TOMM7: variants seen among roughly 807,000 people sequenced by gnomAD.
TOMM7 encodes mitochondrial import receptor subunit TOM7 homolog.
A neutral mutation model predicts 9.5 loss-of-function variants in TOMM7; 8 were observed. The observed-to-expected ratio is 0.84, with a 90% CI of 0.49 to 1.51. The LOEUF is 1.51. TOMM7 is among the 40% of genes most tolerant of loss of function. The pLI, the probability that TOMM7 is intolerant of heterozygous loss-of-function variation, is 0.00. For synonymous variants in TOMM7, 27 were observed against 21.4 expected (o/e 1.26, Z -0.72); for missense variants, 74 against 63.7 (o/e 1.16, Z -0.55).
chr7:22,817,972 C>A, intron 2 of TOMM7, 28 bp downstream of exon 2: 2 of 1,607,464 alleles, frequency 1.2e-6, no homozygotes, highest in Non-Finnish European at 1.7e-6. Flanking sequence ...AACATTTGTC[C>A]TGAAATGTTT....
chr7:22,814,725 A>G (rs1782294875), intron 2 of TOMM7, among the ~76,000 whole-genome samples: 1 of 152,218 alleles, frequency 6.6e-6, no homozygotes, highest in Non-Finnish European at 1.5e-5. Context: ...TTTGCTGACC[A>G]CATACAATGA....
chr7:22,819,676 G>A (rs1388517082), intron 1 of TOMM7, among the ~76,000 whole-genome samples: 2 of 152,184 alleles, frequency 1.3e-5, no homozygotes, highest in Non-Finnish European at 2.9e-5. Context: ...GGAGTGTAGG[G>A]AACAAGAGTC....
At chr7:22,818,124 T>G in intron 1 of TOMM7, 76 bp from the exon 2 acceptor site, 1 of 1,423,788 alleles carries the variant, frequency 7.0e-7, no homozygotes, top group Non-Finnish European at 9.9e-7. Flanking sequence ...TCAAGACTTT[T>G]TCTTCTTTGT....
intron 1 of TOMM7, 85 bp downstream of exon 1, chr7:22,822,592 T>C (rs1583465199): frequency 6.6e-6 from 8 of 1,218,466 alleles, no homozygotes. Flanking sequence ...TATTTTTCTC[T>C]CCCTCCCCCG....
intron 1 of TOMM7, chr7:22,822,351 T>C: frequency 7.1e-7 from 1 of 1,413,716 alleles, no homozygotes; most frequent in Non-Finnish European, 9.5e-7. Flanking sequence ...GAGAACCACC[T>C]AGTGCTAGAG....
At chr7:22,814,844 A>C (rs927933685) in intron 2 of TOMM7, among the ~76,000 whole-genome samples, 1 of 152,250 alleles carries the variant, frequency 6.6e-6, no homozygotes, top group Non-Finnish European at 1.5e-5. Context: ...TATTATTTAC[A>C]TAAGTATTAT....
At chr7:22,822,484 C>A in intron 1 of TOMM7, 193 bp downstream of exon 1, 1 of 701,592 alleles carries the variant, frequency 1.4e-6, no homozygotes, top group Non-Finnish European at 2.4e-6. Flanking sequence ...TGCTTAAAGA[C>A]CATGCAACTA....
chr7:22,814,516 A>G (rs1782292317), intron 2 of TOMM7, among the ~76,000 whole-genome samples: 1 of 152,118 alleles, frequency 6.6e-6, no homozygotes, highest in Admixed American at 6.5e-5. Flanking sequence ...AAAACACACA[A>G]AAAAAGATCT....
chr7:22,817,969 GT>G, intron 2 of TOMM7, 30 bp downstream of exon 2: 1 of 1,602,258 alleles, frequency 6.2e-7, no homozygotes, highest in Middle Eastern at 1.7e-4. Context: ...ATGAACATTT[GT>G]CCTGAAATGT....
At chr7:22,821,682 A>C (rs1782393525) in intron 1 of TOMM7, among the ~76,000 whole-genome samples, 1 of 146,690 alleles carries the variant, frequency 6.8e-6, no homozygotes, top group African/African-American at 2.5e-5. Flanking sequence ...CCCGAGAGGC[A>C]GAGATTGCGG....
At position 22,822,748 on chromosome 7, in the gene TOMM7, C is replaced by A; in HGVS notation, c.32G>T (p.Arg11Ile). The A allele has an allele frequency of 6.2e-7, 1 of 1,614,222 alleles. No individual in the cohort carries two copies. The highest frequency in any genetic ancestry group is 8.5e-7 in the Non-Finnish European group (1 of 1,180,036). Residue 11 changes from arginine to isoleucine, a missense_variant, in exon 1 of 3, where the codon AGA becomes ATA. Transcript: ENST00000358435. Reference protein sequence around the residue: MVKLSKEAKQRLQQLFKGSQF... With the variant: MVKLSKEAKQILQQLFKGSQF... ...GCTCCCCTTGAAGAGCTGCTGTAGT[C>A]TCTGCTTGGCCTCTTTGCTCAGCTT...
intron 2 of TOMM7, among the ~76,000 whole-genome samples, chr7:22,813,973 C>G (rs1352380661): frequency 6.7e-6 from 1 of 149,134 alleles, no homozygotes; most frequent in Non-Finnish European, 1.5e-5. Context: ...ACATCTATTT[C>G]CAATTTTCAA....
chr7:22,815,859 C>T (rs1782310603), intron 2 of TOMM7, among the ~76,000 whole-genome samples: 1 of 151,530 alleles, frequency 6.6e-6, no homozygotes, highest in South Asian at 2.1e-4. Flanking sequence ...ACACAAAAAA[C>T]AGAGTAGTTT....
In TOMM7 at chr7:22,822,799, A is replaced by G. The variant is rs781132656; in HGVS notation, c.-20T>C. The G allele has an allele frequency of 2.5e-6, 4 of 1,601,600 alleles. No individual in the cohort carries two copies. The South Asian group carries it at 4.4e-5, about 18-fold the overall frequency. ...CACCATGGCGACGGCCGTGTGGCGC[A>G]GGGAGGACCCCTTACAGCAACCACA... On this transcript the variant is annotated 5_prime_UTR_variant, in exon 1 of 3. Coordinates refer to ENST00000358435, the MANE Select transcript of TOMM7 (RefSeq NM_019059.5).
chr7:22,822,820 C>CA lies in TOMM7; in HGVS notation c.-42_-41insT. 1.2e-5 allele frequency: 18 copies of CA among 1,536,838 alleles called. No homozygotes were observed. The highest frequency in any genetic ancestry group is 1.6e-5 in the Non-Finnish European group (18 of 1,110,306). On this transcript the variant is annotated 5_prime_UTR_variant, in exon 1 of 3. Transcript: ENST00000358435. ...GCGCAGGGAGGACCCCTTACAGCAACCACAGCGTCGGGAATCCGAAAGGGA... is the reference window on the plus strand; with the variant it reads ...GCGCAGGGAGGACCCCTTACAGCAACACACAGCGTCGGGAATCCGAAAGGGA...
chr7:22,822,118 C>A, intron 1 of TOMM7: 1 of 1,547,978 alleles, frequency 6.5e-7, no homozygotes, highest in Non-Finnish European at 8.7e-7. Flanking sequence ...GCTGTGCGAC[C>A]TTGGCAAAAA....
At chr7:22,822,470 A>C (rs1782406841) in intron 1 of TOMM7, 1 of 705,748 alleles carries the variant, frequency 1.4e-6, no homozygotes, top group Admixed American at 2.9e-5. Flanking sequence ...AGGGATTGCA[A>C]GACTGCTTAA....
At chr7:22,815,837 G>GAA (rs1011290326) in intron 2 of TOMM7, among the ~76,000 whole-genome samples, 1 of 151,514 alleles carries the variant, frequency 6.6e-6, no homozygotes, top group African/African-American at 2.4e-5. Context: ...AAAAAAAAAA[G>GAA]AAACTATGGA....
rs894783752 is a variant in TOMM7, at chr7:22,822,553, C to G, written c.103+124G>C. 162 of 878,154 alleles carry G rather than the reference C, an allele frequency of 1.8e-4. No individual in the cohort carries two copies. In the Admixed American group the frequency reaches 3.1e-3, roughly 17 times the overall value. The allele number at this position is 878,154 out of a possible 1,614,324, so 54.4% of individuals were successfully genotyped here. ...AGATCGGCCCCACTTGACCAGACAG[C>G]CTCAGGGGCCGTGCACGGCAGTGTC... On this transcript the variant is annotated intron_variant, in intron 1 of 2. Transcript: ENST00000358435.
Sources: gnomAD v4.1 joint callset for allele counts (sites outside exome capture counted in the v4.1 genomes callset) on GRCh38, gnomAD v4.1.1 for gene constraint, MANE v1.5 for transcripts, NCBI Gene and HGNC (gene_info 2026-07-23, HGNC 2026-07-21) for gene names.